RSPO3: variants seen among roughly 807,000 people sequenced by gnomAD.
The protein encoded by RSPO3 is R-spondin 3, also known as R-spondin-3.
A neutral mutation model predicts 36.5 loss-of-function variants in RSPO3; 17 were observed. That is an observed-to-expected ratio of 0.47 (90% CI 0.32 to 0.70). RSPO3 has a LOEUF of 0.70. Among genes scored for constraint, RSPO3 ranks in the 30% least tolerant of loss-of-function variants. RSPO3 has a pLI of 0.04. For missense variants in RSPO3, 294 were observed against 322.5 expected (o/e 0.91, Z 0.68); for synonymous variants, 108 against 107.0 (o/e 1.01, Z -0.06).
chr6:127,179,721 G>C (rs960196657), intron 4 of RSPO3, among the ~76,000 whole-genome samples: 9 of 151,866 alleles, frequency 5.9e-5, no homozygotes. Flanking sequence ...CAAGGCATCA[G>C]TAAGGCTGTG....
chr6:127,197,594 T>C lies in RSPO3; in HGVS notation c.*1587T>C. 9 of 1,510,726 alleles carry C rather than the reference T, an allele frequency of 6.0e-6. No individual in the cohort carries two copies. The highest frequency in any genetic ancestry group is 8.0e-6 in the Non-Finnish European group (9 of 1,128,398). The allele number at this position is 1,510,726 out of a possible 1,614,324, so 93.6% of individuals were successfully genotyped here. On this transcript the variant is annotated 3_prime_UTR_variant, in exon 5 of 5. Coordinates refer to ENST00000356698, the MANE Select transcript of RSPO3 (RefSeq NM_032784.5). ...CGGCTGCTCTGTCCACTGTGATTCC[T>C]AGCCCTCTCAAGATCACTGCTTTCT...
At chr6:127,129,844 C>A (rs1016924963) in intron 1 of RSPO3, among the ~76,000 whole-genome samples, 5 of 151,966 alleles carry the variant, frequency 3.3e-5, no homozygotes, top group African/African-American at 1.2e-4. Context: ...CTCAAAGAAT[C>A]TAGTCTAAGT....
chr6:127,137,895 T>A (rs573310576), intron 1 of RSPO3, among the ~76,000 whole-genome samples: 1 of 152,230 alleles, frequency 6.6e-6, no homozygotes, highest in Non-Finnish European at 1.5e-5. Flanking sequence ...ATTAATTGTA[T>A]TGTAGGCTTC....
At chr6:127,184,000 G>A (rs1318523102) in intron 4 of RSPO3, among the ~76,000 whole-genome samples, 3 of 151,894 alleles carry the variant, frequency 2.0e-5, no homozygotes, top group African/African-American at 2.4e-5. Flanking sequence ...AGAAAAAGGG[G>A]GAAAAGCCCC....
chr6:127,179,221 T>C (rs1317842470), intron 4 of RSPO3, among the ~76,000 whole-genome samples: 9 of 151,862 alleles, frequency 5.9e-5, no homozygotes, highest in Non-Finnish European at 8.8e-5. Context: ...AGATCATTTT[T>C]AGGAAAAGGA....
At chr6:127,178,376 A>G (rs1775098994) in intron 4 of RSPO3, among the ~76,000 whole-genome samples, 1 of 151,696 alleles carries the variant, frequency 6.6e-6, no homozygotes, top group South Asian at 2.1e-4. Flanking sequence ...AATGATTAAT[A>G]TTGGTGCAAA....
At chr6:127,177,490 T>C (rs747246455) in intron 4 of RSPO3, among the ~76,000 whole-genome samples, 2 of 151,826 alleles carry the variant, frequency 1.3e-5, no homozygotes, top group Non-Finnish European at 2.9e-5. Flanking sequence ...AGGATTGCGA[T>C]GTAATCTGGA....
At chr6:127,168,365 AT>A (rs35007518) in intron 4 of RSPO3, among the ~76,000 whole-genome samples, 71,068 of 151,598 alleles carry the variant, frequency 0.47, 16,806 homozygotes, top group East Asian at 0.54. Context: ...GATGATGAGC[AT>A]TTTTTTCATG....
chr6:127,148,840 G>A lies in RSPO3; in HGVS notation c.289+1G>A. 1 of 1,602,686 alleles carries A rather than the reference G, an allele frequency of 6.2e-7. No individual in the cohort carries two copies. The highest frequency in any genetic ancestry group is 8.5e-7 in the Non-Finnish European group (1 of 1,172,770). The stretch of plus-strand genomic sequence containing the variant: ...TATCCAGATATAAATAAGTGTACAA[G>A]TAAGTGCCCACACGAAATTGTATTT... On this transcript the variant is annotated splice_donor_variant, in intron 2 of 4. Transcript: ENST00000356698. LOFTEE classifies it high-confidence loss of function.
rs1775532686 is a variant in RSPO3, at chr6:127,197,234, T to C, written c.*1227T>C. 1 of 649,844 alleles carries C rather than the reference T, an allele frequency of 1.5e-6. No homozygotes were observed. Among genetic ancestry groups the C allele is most frequent in the Admixed American group, 3.1e-5 (1 of 32,428 alleles). 40.3% of individuals were successfully genotyped at this position (649,844 alleles called of 1,614,324 possible). A position where few individuals can be genotyped will look rare whatever the true frequency, so the allele number is the denominator to read the frequency against. On this transcript the variant is annotated 3_prime_UTR_variant, in exon 5 of 5. Coordinates refer to ENST00000356698, the MANE Select transcript of RSPO3 (RefSeq NM_032784.5). ...CCAATGGAGATTTACTTATAGCGTATTAGGAGATATTTATTCCATTTTCTT... is the reference window on the plus strand; with the variant it reads ...CCAATGGAGATTTACTTATAGCGTACTAGGAGATATTTATTCCATTTTCTT...
Position 127,173,152 on chromosome 6 carries a change from T to G in RSPO3, c.634+17714T>G, listed in dbSNP as rs183920230. Among the ~76,000 whole-genome samples the G allele has an allele frequency of 5.9e-3, 900 of 151,954 alleles. 35 individuals are homozygous for G. The highest frequency in any genetic ancestry group is 0.048 in the Admixed American group (733 of 15,230). ...TGTTGAAAAAATTGAAAACCTCTTT[T>G]TACCACCAAATCTGCTTCATCTTTC... On this transcript the variant is annotated intron_variant, in intron 4 of 4. Coordinates refer to ENST00000356698, the MANE Select transcript of RSPO3 (RefSeq NM_032784.5).
intron 4 of RSPO3, among the ~76,000 whole-genome samples, chr6:127,157,033 G>A (rs937297415): frequency 2.0e-5 from 3 of 152,138 alleles, no homozygotes; most frequent in African/African-American, 4.8e-5. Flanking sequence ...TTGTAAATTT[G>A]TAGGAGGTTT....
chr6:127,184,201 A>G (rs1242432647), intron 4 of RSPO3, among the ~76,000 whole-genome samples: 1 of 152,020 alleles, frequency 6.6e-6, no homozygotes, highest in Non-Finnish European at 1.5e-5. Context: ...CTCCAAAATA[A>G]TCAGTCCTGT....
chr6:127,152,852 C>A (rs184035715), intron 3 of RSPO3, among the ~76,000 whole-genome samples: 2 of 152,186 alleles, frequency 1.3e-5, no homozygotes, highest in South Asian at 2.1e-4. Context: ...CATTTTGTCA[C>A]CCTCACTGCT....
rs77530353 is a variant in RSPO3 at position 127,133,073 on chromosome 6, G to C, written c.97+13784G>C. On this transcript the variant is annotated intron_variant, in intron 1 of 4. Coordinates refer to ENST00000356698, the MANE Select transcript of RSPO3 (RefSeq NM_032784.5). Reference sequence around the variant, plus strand: ...ATCTGGAGATTACTTCCTCATTACAGACATAGGATTTTTTTAATTTTAAGA... The same window carrying C: ...ATCTGGAGATTACTTCCTCATTACACACATAGGATTTTTTTAATTTTAAGA... Among the ~76,000 whole-genome samples the C allele has an allele frequency of 8.8e-3, 1,331 of 152,106 alleles. 12 individuals carry two copies. The highest frequency in any genetic ancestry group is 0.014 in the Middle Eastern group (4 of 294).
intron 3 of RSPO3, 34 bp downstream of exon 3, chr6:127,150,606 T>C: frequency 1.3e-6 from 2 of 1,588,634 alleles, no homozygotes; most frequent in Non-Finnish European, 8.6e-7. Context: ...GAGTAAGTGA[T>C]AATGTCAGTC....
Position 127,130,085 on chromosome 6 carries a change from G to T in RSPO3, c.97+10796G>T, listed in dbSNP as rs550983639. 2.6e-5 allele frequency among the ~76,000 whole-genome samples: 4 copies of T among 152,216 alleles called. No homozygotes were observed. In the South Asian group the frequency reaches 8.3e-4, roughly 32 times the overall value. On this transcript the variant is annotated intron_variant, in intron 1 of 4. Transcript: ENST00000356698. ...ACATGGTGTTGTAAGTATCTAAGTA[G>T]AAATTATCAACAAGTAAGTGGTGCT... is the stretch of plus-strand genomic sequence containing the variant.
At chr6:127,161,250 A>T (rs908263058) in intron 4 of RSPO3, among the ~76,000 whole-genome samples, 1 of 152,146 alleles carries the variant, frequency 6.6e-6, no homozygotes, top group Non-Finnish European at 1.5e-5. Context: ...AAGCAGCAGA[A>T]TTACAGCCAG....
chr6:127,191,246 T>C (rs900913423), intron 4 of RSPO3, among the ~76,000 whole-genome samples: 1 of 152,202 alleles, frequency 6.6e-6, no homozygotes, highest in South Asian at 2.1e-4. Context: ...GGAGCAACCA[T>C]GCAATTTGAA....
Sources: allele counts gnomAD v4.1 joint callset (sites outside exome capture counted in the v4.1 genomes callset), GRCh38; gene constraint gnomAD v4.1.1; transcripts MANE v1.5; gene names NCBI Gene and HGNC (gene_info 2026-07-23, HGNC 2026-07-21).